Variants in BRF1 observed in about 807,000 individuals in gnomAD.
BRF1 encodes the protein transcription factor IIIB 90 kDa subunit.
BRF1 carries 59 observed loss-of-function variants against 81.7 expected under a neutral mutation model. The ratio of observed to expected loss-of-function variants is 0.72; its 90% CI spans 0.59 to 0.90. The LOEUF (loss-of-function observed/expected upper bound fraction) is 0.90, where lower values mean the gene tolerates loss of function less well. Ranked by LOEUF, BRF1 falls within the 40% of genes least tolerant of loss-of-function variation. The pLI is 0.00. For missense variants in BRF1, 1,050 were observed against 936.3 expected, an observed-to-expected ratio of 1.12 and a Z score of -1.58; for synonymous variants, 491 against 395.6, an observed-to-expected ratio of 1.24 and a Z score of -2.86.
chr14:105,248,497 G>A, intron 5 of BRF1: 2 of 983,518 alleles, frequency 2.0e-6, no homozygotes, highest in South Asian at 4.7e-5. Context: ...GGGCGGGGCC[G>A]CGAGGCAGCG....
At chr14:105,218,878 G>A (rs1479744614) in intron 14 of BRF1, 120 bp downstream of exon 14, 110 of 1,432,092 alleles carry the variant, frequency 7.7e-5, no homozygotes, top group Non-Finnish European at 9.8e-5. Context: ...CATGGCCTCC[G>A]GCTGCCTGCC....
At chr14:105,217,502 T>C (rs1256358395) in intron 15 of BRF1, 42 bp downstream of exon 15, 8 of 1,593,694 alleles carry the variant, frequency 5.0e-6, no homozygotes, top group Non-Finnish European at 6.0e-6. Context: ...CTGCCCGCCC[T>C]GGGCTGCTGC....
chr14:105,224,851 CTAGTCT>C (rs1343829784), intron 10 of BRF1, among the ~76,000 whole-genome samples: 1 of 152,226 alleles, frequency 6.6e-6, no homozygotes, highest in Non-Finnish European at 1.5e-5. Flanking sequence ...GACCCACTCC[CTAGTCT>C]TAGACTGCTT....
chr14:105,228,728 C>T, intron 7 of BRF1, 92 bp downstream of exon 7: 9 of 1,431,328 alleles, frequency 6.3e-6, no homozygotes, highest in Non-Finnish European at 8.8e-6. Flanking sequence ...ACGGCAGGGT[C>T]CCGGGAGGTG....
intron 15 of BRF1, among the ~76,000 whole-genome samples, chr14:105,214,311 C>T (rs1890663981): frequency 6.6e-6 from 1 of 152,258 alleles, no homozygotes; most frequent in South Asian, 2.1e-4. Context: ...ACAGACTGAT[C>T]TGCATGGGCT....
Position 105,314,844 on chromosome 14 carries a change from C to CGCCCGGCCCGCCCGCCGCGCGTCCGCG in BRF1, c.-162+451_-162+477dup, listed in dbSNP as rs1223820473. 47 of 603,306 alleles carry CGCCCGGCCCGCCCGCCGCGCGTCCGCG rather than the reference C, an allele frequency of 7.8e-5. No individual in the cohort carries two copies. The East Asian group carries it at 3.2e-3, about 42-fold the overall frequency. The allele number at this position is 603,306 out of a possible 1,614,324, so 37.4% of individuals were successfully genotyped here. On this transcript the variant is annotated intron_variant, in intron 1 of 17. Coordinates refer to the BRF1 transcript ENST00000327359. ...TGTGACCGCGCCGCCGCCCTCCGCG[C>CGCCCGGCCCGCCCGCCGCGCGTCCGCG]GCCCGGCCCGCCCGCCGCGCGTCCG... is the stretch of plus-strand genomic sequence containing the variant.
intron 10 of BRF1, 117 bp downstream of exon 10, chr14:105,225,952 T>C: frequency 9.0e-7 from 1 of 1,108,196 alleles, no homozygotes. Flanking sequence ...GGTGGTAAAC[T>C]TACATTCTGT....
intron 2 of BRF1, among the ~76,000 whole-genome samples, chr14:105,285,194 C>T (rs1160942350): frequency 6.6e-6 from 1 of 152,212 alleles, no homozygotes; most frequent in African/African-American, 2.4e-5. Flanking sequence ...ACTCAAGGGA[C>T]TTCAAACAGG....
At chr14:105,301,475 G>A (rs2058023779), upstream of BRF1, among the ~76,000 whole-genome samples, 2 of 151,710 alleles carry the variant, frequency 1.3e-5, no homozygotes, top group Non-Finnish European at 2.9e-5. Context: ...TCCTGAGGGC[G>A]ACCTGGGACC....
chr14:105,217,062 C>T (rs941117201), intron 15 of BRF1, among the ~76,000 whole-genome samples: 7 of 152,336 alleles, frequency 4.6e-5, no homozygotes, highest in Middle Eastern at 3.4e-3. Context: ...TGACCCTGTG[C>T]GCTGAGGCCA....
intron 3 of BRF1, among the ~76,000 whole-genome samples, chr14:105,270,483 A>C (rs1490076413): frequency 6.6e-6 from 1 of 151,838 alleles, no homozygotes; most frequent in Non-Finnish European, 1.5e-5. Flanking sequence ...CCCAAATTTC[A>C]AAATGTTAAA....
chr14:105,275,154 G>A (rs587659338), intron 2 of BRF1, among the ~76,000 whole-genome samples: 143 of 152,360 alleles, frequency 9.4e-4, no homozygotes, highest in Middle Eastern at 3.4e-3. Context: ...GCAGCCAGAG[G>A]TGGGCAGCTG....
chr14:105,220,778 T>C (rs587772751), intron 11 of BRF1, among the ~76,000 whole-genome samples: 10 of 152,342 alleles, frequency 6.6e-5, no homozygotes, highest in Non-Finnish European at 1.5e-4. Context: ...GGCCAGACTG[T>C]CTGAGGTGCT....
In BRF1 at chr14:105,284,139, T is replaced by C. The variant is rs2057225893; in HGVS notation, c.265+2157A>G. ...GCACCCGCTTCCTGCAGGAAACGCA[T>C]TCAAGCGCCCAACACACATGCACGT... On this transcript the variant is annotated intron_variant, in intron 2 of 17. Coordinates refer to ENST00000547530, the MANE Select transcript of BRF1 (RefSeq NM_001519.4). The surrounding 1 kb of genome is among the most constrained non-coding windows in gnomAD (Gnocchi z 4.0). Among the ~76,000 whole-genome samples the C allele has an allele frequency of 6.6e-6, 1 of 151,956 alleles. No individual in the cohort carries two copies. The highest frequency in any genetic ancestry group is 1.5e-5 in the Non-Finnish European group (1 of 67,982).
chr14:105,249,404 C>T, intron 5 of BRF1: 2 of 1,612,966 alleles, frequency 1.2e-6, no homozygotes, highest in South Asian at 1.1e-5. Context: ...CCATGTTCTA[C>T]GGAGACCTGG....
chr14:105,254,680 C>T (rs1422611491), intron 4 of BRF1, among the ~76,000 whole-genome samples: 3 of 152,122 alleles, frequency 2.0e-5, no homozygotes, highest in Non-Finnish European at 2.9e-5. Flanking sequence ...TCCTGTCTCA[C>T]CCTCCTAAGT....
intron 3 of BRF1, among the ~76,000 whole-genome samples, chr14:105,258,125 T>C (rs192332154): frequency 3.7e-3 from 559 of 152,246 alleles, no homozygotes; most frequent in Non-Finnish European, 5.7e-3. Context: ...AAATTGGGGA[T>C]TGAAGGGGGT....
Position 105,286,314 on chromosome 14 carries a change from C to T in BRF1, c.247G>A (p.Ala83Thr). Residue 83 changes from alanine (A) to threonine (T), a missense_variant, in exon 2 of 18, where the codon GCG (alanine) becomes ACG (threonine). By Grantham distance (58) the Ala-to-Thr change is moderately conservative. Transcript: ENST00000547530. ...GAAATACCATTCTGCAGGGTCTGCG[C>T]TCTCGACTCCTTCCCCAGATTCACG... The part of the protein sequence containing the change: ...FHVNLGKESR[A>T]QTLQNGRRHI... 2 of 1,613,616 alleles carry T rather than the reference C, an allele frequency of 1.2e-6. No homozygotes were observed. Among genetic ancestry groups the T allele is most frequent in the Non-Finnish European group, 1.7e-6 (2 of 1,179,858 alleles).
Position 105,209,763 on chromosome 14 carries a change from C to A in BRF1, c.*788G>T. On this transcript the variant is annotated 3_prime_UTR_variant, in exon 18 of 18. Coordinates refer to ENST00000547530, the MANE Select transcript of BRF1 (RefSeq NM_001519.4). ...GGCTATGCCCGCACTGCCTACAGAG[C>A]TATGCTCAGGACGGGTGGGCGCCGG... is the stretch of plus-strand genomic sequence containing the variant. The A allele has an allele frequency of 1.7e-6, 1 of 577,498 alleles. No individual in the cohort carries two copies. The highest frequency in any genetic ancestry group is 3.1e-6 in the Non-Finnish European group (1 of 324,540). The allele number at this position is 577,498 out of a possible 1,614,324, so 35.8% of individuals were successfully genotyped here.
Sources: allele counts gnomAD v4.1 joint callset (sites outside exome capture counted in the v4.1 genomes callset), GRCh38; gene constraint gnomAD v4.1.1; non-coding constraint Gnocchi (gnomAD v3.1); transcripts MANE v1.5; gene names NCBI Gene and HGNC (gene_info 2026-07-23, HGNC 2026-07-21).